The following NOX3 variants were observed in gnomAD, a reference collection of about 807,000 sequenced individuals.
The protein encoded by NOX3 is NADPH oxidase catalytic subunit-like 3.
In NOX3, 74 loss-of-function variants were observed where a neutral mutation model predicts 76.7. That is an observed-to-expected ratio of 0.96 (90% CI 0.80 to 1.17). The LOEUF (loss-of-function observed/expected upper bound fraction) is 1.17. Among genes scored for constraint, NOX3 ranks in the 50% most tolerant of loss-of-function variants. The probability of loss-of-function intolerance (pLI) is 0.00; values close to 1 mark genes in which losing one functional copy is unlikely to be tolerated. For synonymous variants in NOX3, 263 were observed against 261.1 expected, an observed-to-expected ratio of 1.01 and a Z score of -0.07; for missense variants, 695 against 703.3, an observed-to-expected ratio of 0.99 and a Z score of 0.13.
intron 11 of NOX3, 126 bp downstream of exon 11, chr6:155,411,088 C>T (rs1776543386): frequency 1.4e-6 from 1 of 719,178 alleles, no homozygotes; most frequent in Non-Finnish European, 2.1e-6. Context: ...TCTCCTTTCC[C>T]TTTTAAGAAC....
At chr6:155,413,519 G>A (rs886069538) in intron 10 of NOX3, among the ~76,000 whole-genome samples, 1 of 152,036 alleles carries the variant, frequency 6.6e-6, no homozygotes, top group African/African-American at 2.4e-5. Flanking sequence ...TATGGAGGGT[G>A]GGGGAGGAGG....
chr6:155,436,350 G>A, intron 7 of NOX3, 68 bp downstream of exon 7: 3 of 1,563,984 alleles, frequency 1.9e-6, no homozygotes, highest in Non-Finnish European at 2.6e-6. Context: ...TTTTTTCCAA[G>A]CCTATAAAAA....
At chr6:155,413,437 G>C (rs193236226) in intron 10 of NOX3, among the ~76,000 whole-genome samples, 1 of 151,922 alleles carries the variant, frequency 6.6e-6, no homozygotes, top group African/African-American at 2.4e-5. Context: ...GGGAGTTGGC[G>C]AGCAGGGAGT....
chr6:155,442,242 C>T (rs1777003525), intron 5 of NOX3, among the ~76,000 whole-genome samples: 1 of 151,734 alleles, frequency 6.6e-6, no homozygotes, highest in Non-Finnish European at 1.5e-5. Context: ...CCAGCTCTGG[C>T]AACAGAGTGA....
At chr6:155,444,596 ATCT>A (rs1777036267) in intron 4 of NOX3, among the ~76,000 whole-genome samples, 1 of 152,226 alleles carries the variant, frequency 6.6e-6, no homozygotes, top group African/African-American at 2.4e-5. Flanking sequence ...GTAAGAACAA[ATCT>A]TCTATCTGAA....
intron 6 of NOX3, 133 bp from the exon 7 acceptor site, chr6:155,436,680 G>A: frequency 1.1e-6 from 1 of 870,698 alleles, no homozygotes. Flanking sequence ...TGAAACTCGG[G>A]CTGTCATTCA....
intron 9 of NOX3, among the ~76,000 whole-genome samples, 187 bp downstream of exon 9, chr6:155,428,607 C>T (rs1413784388): frequency 1.5e-5 from 2 of 135,108 alleles, no homozygotes; most frequent in African/African-American, 5.5e-5. Context: ...TTTTTTTTTA[C>T]AGGAACAGAT....
intron 12 of NOX3, among the ~76,000 whole-genome samples, chr6:155,399,724 G>T (rs1779197263): frequency 7.2e-6 from 1 of 139,810 alleles, no homozygotes; most frequent in South Asian, 2.2e-4. Context: ...AGATGTGGCA[G>T]CTTCCCTTTT....
chr6:155,421,075 C>G (rs567533576), intron 10 of NOX3, among the ~76,000 whole-genome samples: 1 of 152,252 alleles, frequency 6.6e-6, no homozygotes, highest in African/African-American at 2.4e-5. Context: ...CAGCAAAATT[C>G]AGGTGCCGAT....
intron 4 of NOX3, among the ~76,000 whole-genome samples, chr6:155,450,603 C>T (rs538715966): frequency 6.6e-6 from 1 of 152,180 alleles, no homozygotes; most frequent in Admixed American, 6.5e-5. Context: ...GAAAGTATGA[C>T]CTTAGACCCC....
intron 10 of NOX3, among the ~76,000 whole-genome samples, chr6:155,415,012 G>A (rs1313197233): frequency 6.6e-6 from 1 of 152,146 alleles, no homozygotes; most frequent in Non-Finnish European, 1.5e-5. Flanking sequence ...CTGTGTGCAT[G>A]TGGCCCGTCA....
chr6:155,407,404 A>G (rs1361168282), intron 11 of NOX3, 150 bp from the exon 12 acceptor site: 3 of 739,012 alleles, frequency 4.1e-6, no homozygotes, highest in Admixed American at 5.9e-5. Context: ...GATGTCTCCA[A>G]TGCTGCACTT....
chr6:155,429,101 A>C, intron 8 of NOX3, 54 bp from the exon 9 acceptor site: 1 of 1,441,970 alleles, frequency 6.9e-7, no homozygotes, highest in Non-Finnish European at 9.2e-7. Context: ...ATAAAGAAAC[A>C]CCTTTCATTC....
At chr6:155,403,180 C>A (rs1206022867) in intron 12 of NOX3, among the ~76,000 whole-genome samples, 1 of 152,164 alleles carries the variant, frequency 6.6e-6, no homozygotes, top group Non-Finnish European at 1.5e-5. Context: ...ATTTTATTGG[C>A]ATTCTCTTTC....
At chr6:155,413,617 AT>A (rs1335725709) in intron 10 of NOX3, among the ~76,000 whole-genome samples, 1 of 152,070 alleles carries the variant, frequency 6.6e-6, no homozygotes, top group Non-Finnish European at 1.5e-5. Flanking sequence ...ATTGTGCCTA[AT>A]CTAAATTACT....
At chr6:155,432,851 C>G (rs530841202) in intron 7 of NOX3, among the ~76,000 whole-genome samples, 21 of 152,260 alleles carry the variant, frequency 1.4e-4, no homozygotes, top group Admixed American at 9.2e-4. Flanking sequence ...TAAGGGAAAT[C>G]TAGGAAGCGT....
At chr6:155,406,345 GT>G (rs1282315478) in intron 12 of NOX3, among the ~76,000 whole-genome samples, 21 of 152,090 alleles carry the variant, frequency 1.4e-4, no homozygotes, top group African/African-American at 5.1e-4. Context: ...CTCTTCCAAG[GT>G]CACACAGCCA....
At position 155,411,280 on chromosome 6, in the gene NOX3, C is replaced by T. The variant is rs143453287; in HGVS notation, c.1389G>A (p.Met463Ile). 16 of 1,614,060 alleles carry T rather than the reference C, an allele frequency of 9.9e-6. No homozygotes were observed. The highest frequency in any genetic ancestry group is 2.2e-5 in the East Asian group (1 of 44,862). Residue 463 changes from methionine (M) to isoleucine (I), a missense_variant, in exon 11 of 14, where the codon ATG becomes ATA. Coordinates refer to ENST00000159060, the MANE Select transcript of NOX3 (RefSeq NM_015718.3). ...GAAAGTGAGTTTTCCCCTGCTCACTCATCCGTGTTTCCAGGGAGAGTAAGA... is the reference window on the plus strand; with the variant it reads ...GAAAGTGAGTTTTCCCCTGCTCACTTATCCGTGTTTCCAGGGAGAGTAAGA... ...ADLLLSLETR[M>I]SEQGKTHFLS... is the part of the protein sequence containing the mutation.
chr6:155,422,573 A>T, intron 10 of NOX3, 121 bp downstream of exon 10: 3 of 877,968 alleles, frequency 3.4e-6, no homozygotes, highest in Non-Finnish European at 5.3e-6. Flanking sequence ...AGTATAGTTA[A>T]GGATCCTTGA....
Sources: allele counts gnomAD v4.1 joint callset (sites outside exome capture counted in the v4.1 genomes callset), GRCh38; gene constraint gnomAD v4.1.1; transcripts MANE v1.5; gene names NCBI Gene and HGNC (gene_info 2026-07-23, HGNC 2026-07-21).